The following ASIC2 variants were observed in gnomAD, a reference collection of about 807,000 sequenced individuals.
ASIC2 encodes acid-sensing ion channel 2.
Under a neutral mutation model 57.3 loss-of-function variants are expected in ASIC2, and 25 were observed. The ratio of observed to expected loss-of-function variants is 0.44; its 90% confidence interval spans 0.32 to 0.61. The LOEUF is 0.61. ASIC2 is among the 20% of genes least tolerant of loss of function. The probability of loss-of-function intolerance (pLI) is 0.06; values close to 1 mark genes in which losing one functional copy is unlikely to be tolerated. For synonymous variants in ASIC2, 319 were observed against 307.5 expected (o/e 1.04, Z -0.39); for missense variants, 641 against 738.1 (o/e 0.87, Z 1.52).
At chr17:33,808,710 G>T (rs1373990963) in intron 1 of ASIC2, among the ~76,000 whole-genome samples, 3 of 152,168 alleles carry the variant, frequency 2.0e-5, no homozygotes, top group Non-Finnish European at 4.4e-5. Flanking sequence ...GTAGAATGTA[G>T]ATGATAATAC....
intron 1 of ASIC2, among the ~76,000 whole-genome samples, chr17:33,701,630 A>G (rs141456474): frequency 6.6e-6 from 1 of 152,330 alleles, no homozygotes; most frequent in Non-Finnish European, 1.5e-5. Flanking sequence ...TTGACACAGT[A>G]CAGACTCCCT....
intron 1 of ASIC2, among the ~76,000 whole-genome samples, chr17:33,540,090 C>A (rs1597774636): frequency 6.6e-6 from 1 of 152,250 alleles, no homozygotes; most frequent in Non-Finnish European, 1.5e-5. Context: ...GGCTGGAATG[C>A]CAATATCGAG....
At chr17:33,145,087 T>C (rs992375655) in intron 1 of ASIC2, among the ~76,000 whole-genome samples, 1 of 152,230 alleles carries the variant, frequency 6.6e-6, no homozygotes, top group East Asian at 1.9e-4. Flanking sequence ...GGGGTTGCTA[T>C]TTATACATAG....
intron 1 of ASIC2, among the ~76,000 whole-genome samples, chr17:33,487,646 A>G (rs957871681): frequency 6.6e-5 from 10 of 152,208 alleles, no homozygotes; most frequent in African/African-American, 2.4e-4. Context: ...AAGGAGATTA[A>G]CATTTGAGTC....
intron 1 of ASIC2, among the ~76,000 whole-genome samples, chr17:33,561,337 A>G (rs980817468): frequency 1.3e-5 from 2 of 152,176 alleles, no homozygotes; most frequent in African/African-American, 4.8e-5. Flanking sequence ...TTAAAAATCA[A>G]TTAAAGAGAG....
At chr17:33,548,736 C>T (rs1201366265) in intron 1 of ASIC2, among the ~76,000 whole-genome samples, 2 of 152,172 alleles carry the variant, frequency 1.3e-5, no homozygotes, top group Non-Finnish European at 2.9e-5. Flanking sequence ...CCCCACCTTG[C>T]CCATTCCACT....
In ASIC2 at chr17:34,019,197, A is replaced by G. The variant is rs146358636; in HGVS notation, c.555+136781T>C. Among the ~76,000 whole-genome samples, 1,013 of 152,190 alleles carry G rather than the reference A, an allele frequency of 6.7e-3. 14 individuals are homozygous for G. The highest frequency in any genetic ancestry group is 0.023 in the African/African-American group (939 of 41,524). On this transcript the variant is annotated intron_variant, in intron 1 of 9. Coordinates refer to the ASIC2 transcript ENST00000359872. ...TGCGGGATTACAGGCTTGAGCCACC[A>G]CGCCTGGCCAAAGTAGATTCTTGAG...
intron 1 of ASIC2, among the ~76,000 whole-genome samples, chr17:33,905,050 T>C (rs59028200): frequency 6.6e-6 from 1 of 151,974 alleles, no homozygotes; most frequent in Non-Finnish European, 1.5e-5. Flanking sequence ...ATTCCATCAT[T>C]GGTCACAAAT....
At chr17:33,477,604 T>A (rs908199536) in intron 1 of ASIC2, among the ~76,000 whole-genome samples, 1 of 152,202 alleles carries the variant, frequency 6.6e-6, no homozygotes, top group Non-Finnish European at 1.5e-5. Context: ...TGCATGTGCT[T>A]CTTCTTTCAC....
chr17:33,676,743 G>C (rs1301198814), intron 1 of ASIC2, among the ~76,000 whole-genome samples: 1 of 152,276 alleles, frequency 6.6e-6, no homozygotes, highest in African/African-American at 2.4e-5. Context: ...GCTGCAGCAA[G>C]TTATCGAGAA....
At chr17:33,370,950 T>C (rs984448427) in intron 1 of ASIC2, among the ~76,000 whole-genome samples, 5 of 151,944 alleles carry the variant, frequency 3.3e-5, no homozygotes, top group African/African-American at 9.7e-5. Context: ...AGCTACTCCA[T>C]AGACAGCGTA....
chr17:33,042,806 G>A (rs2091934704), intron 3 of ASIC2, among the ~76,000 whole-genome samples: 1 of 152,232 alleles, frequency 6.6e-6, no homozygotes, highest in Non-Finnish European at 1.5e-5. Flanking sequence ...GTGGCTGGAG[G>A]CCATTGCAGA....
At chr17:33,576,906 C>T (rs145614361) in intron 1 of ASIC2, among the ~76,000 whole-genome samples, 6 of 152,286 alleles carry the variant, frequency 3.9e-5, no homozygotes, top group African/African-American at 1.4e-4. Context: ...GGAGTATCAA[C>T]AGCACCTACC....
At chr17:34,114,243 G>C (rs1911364012) in intron 1 of ASIC2, among the ~76,000 whole-genome samples, 1 of 152,192 alleles carries the variant, frequency 6.6e-6, no homozygotes, top group Non-Finnish European at 1.5e-5. Context: ...ACAGGATTAG[G>C]AAAAGTGCTT....
At chr17:33,416,840 G>A (rs980414682) in intron 1 of ASIC2, among the ~76,000 whole-genome samples, 3 of 152,210 alleles carry the variant, frequency 2.0e-5, no homozygotes, top group South Asian at 2.1e-4. Context: ...TCCATGGCCC[G>A]CTCATCTGTG....
intron 2 of ASIC2, among the ~76,000 whole-genome samples, chr17:33,111,584 T>G (rs2092258253): frequency 6.6e-6 from 1 of 152,154 alleles, no homozygotes; most frequent in East Asian, 1.9e-4. Context: ...AGAAAGAGGC[T>G]GATCCATCCT....
intron 1 of ASIC2, among the ~76,000 whole-genome samples, chr17:33,986,776 G>A (rs1006317279): frequency 1.3e-5 from 2 of 152,098 alleles, no homozygotes; most frequent in Non-Finnish European, 2.9e-5. Flanking sequence ...TTATACAAAT[G>A]AGAATCTGGG....
At chr17:33,981,679 G>C (rs1468405998) in intron 1 of ASIC2, among the ~76,000 whole-genome samples, 1 of 148,024 alleles carries the variant, frequency 6.8e-6, no homozygotes, top group Non-Finnish European at 1.5e-5. Flanking sequence ...AAGAAGGAAG[G>C]AAGGAAGGAA....
intron 1 of ASIC2, among the ~76,000 whole-genome samples, chr17:33,166,722 G>C (rs1049968031): frequency 1.3e-5 from 2 of 152,234 alleles, no homozygotes; most frequent in African/African-American, 4.8e-5. Flanking sequence ...CACAGGCAGA[G>C]CCCAGAACCT....
Sources: gnomAD v4.1 joint callset for allele counts (sites outside exome capture counted in the v4.1 genomes callset) on GRCh38, gnomAD v4.1.1 for gene constraint, MANE v1.5 for transcripts, NCBI Gene and HGNC (gene_info 2026-07-23, HGNC 2026-07-21) for gene names.